Variants in DDX19A observed in about 807,000 individuals in gnomAD.
DDX19A encodes ATP-dependent RNA helicase DDX19A.
Under a neutral mutation model 60.6 loss-of-function variants are expected in DDX19A, and 12 were observed. The ratio of observed to expected loss-of-function variants is 0.20; its 90% CI spans 0.13 to 0.32. The LOEUF (loss-of-function observed/expected upper bound fraction) is 0.32, where lower values mean the gene tolerates loss of function less well. DDX19A is among the 10% of genes least tolerant of loss of function. DDX19A has a pLI of 1.00. For synonymous variants in DDX19A, 206 were observed against 218.2 expected (o/e 0.94, Z 0.49); for missense variants, 337 against 600.6 (o/e 0.56, Z 4.59).
intron 8 of DDX19A, 127 bp from the exon 9 acceptor site, chr16:70,366,497 C>T (rs138813561): frequency 1.3e-5 from 18 of 1,365,694 alleles, no homozygotes; most frequent in African/African-American, 1.0e-4. Context: ...GCCTGCTGCT[C>T]CTCCTCCCCA....
intron 4 of DDX19A, among the ~76,000 whole-genome samples, chr16:70,361,158 A>C (rs1198275476): frequency 6.6e-6 from 1 of 152,204 alleles, no homozygotes; most frequent in East Asian, 1.9e-4. Context: ...GGGTCTGCTG[A>C]AAGCATTAAT....
chr16:70,360,003 G>A (rs980300893), intron 4 of DDX19A, among the ~76,000 whole-genome samples: 2 of 150,840 alleles, frequency 1.3e-5, no homozygotes, highest in Admixed American at 6.6e-5. Context: ...TTTTATGGCC[G>A]GGCGCTACAG....
At chr16:70,371,318 T>C in intron 10 of DDX19A, 54 bp from the exon 11 acceptor site, 1 of 1,614,178 alleles carries the variant, frequency 6.2e-7, no homozygotes, top group Non-Finnish European at 8.5e-7. Flanking sequence ...TGGATGACAG[T>C]GATTTCTGTC....
chr16:70,357,416 G>A (rs1373779754), intron 4 of DDX19A, among the ~76,000 whole-genome samples: 1 of 85,570 alleles, frequency 1.2e-5, no homozygotes, highest in Non-Finnish European at 2.0e-5. Context: ...ACCAAGTCGT[G>A]CTCTGTTGCA....
At chr16:70,350,071 G>T (rs1014919523) in intron 1 of DDX19A, among the ~76,000 whole-genome samples, 1 of 152,148 alleles carries the variant, frequency 6.6e-6, no homozygotes, top group Non-Finnish European at 1.5e-5. Context: ...CAAGGTGGGA[G>T]GATTGCTTGA....
At chr16:70,370,685 G>C (rs1964656982) in intron 10 of DDX19A, 2 of 285,198 alleles carry the variant, frequency 7.0e-6, no homozygotes, top group Non-Finnish European at 1.3e-5. Flanking sequence ...GACAGAGTGA[G>C]ACTCTGTCTC....
chr16:70,359,194 C>G (rs1396767671), intron 4 of DDX19A, among the ~76,000 whole-genome samples: 1 of 152,166 alleles, frequency 6.6e-6, no homozygotes, highest in Admixed American at 6.6e-5. Context: ...TCTGCAAAAT[C>G]AAAGAAAACT....
chr16:70,365,175 G>T (rs1964482251), intron 7 of DDX19A, 44 bp downstream of exon 7: 3 of 1,393,268 alleles, frequency 2.2e-6, no homozygotes, highest in African/African-American at 1.4e-5. Context: ...AGGGTAGGGG[G>T]TTGGGCGTTT....
At chr16:70,369,326 C>T (rs763840590) in intron 9 of DDX19A, among the ~76,000 whole-genome samples, 2 of 151,776 alleles carry the variant, frequency 1.3e-5, no homozygotes, top group Non-Finnish European at 2.9e-5. Flanking sequence ...ATTACATGCA[C>T]ATGCCACCAC....
chr16:70,356,367 T>C (rs1401468500), intron 4 of DDX19A, 120 bp downstream of exon 4: 5 of 1,486,944 alleles, frequency 3.4e-6, no homozygotes, highest in East Asian at 2.3e-5. Flanking sequence ...TTTTCCTTTT[T>C]TTTTTCGAGA....
At chr16:70,359,607 G>C (rs1266370834) in intron 4 of DDX19A, among the ~76,000 whole-genome samples, 1 of 152,176 alleles carries the variant, frequency 6.6e-6, no homozygotes, top group Non-Finnish European at 1.5e-5. Context: ...TGTAATCCCA[G>C]CAGTTTGGGA....
intron 5 of DDX19A, chr16:70,363,476 A>T (rs1964428740): frequency 6.6e-6 from 1 of 152,130 alleles, no homozygotes; most frequent in African/African-American, 2.4e-5. Context: ...AGCTGGGATT[A>T]CAGGTGCCTG....
In DDX19A at chr16:70,370,405, C is replaced by T; in HGVS notation, c.1183+20C>T. On this transcript the variant is annotated intron_variant, in intron 10 of 11. Transcript: ENST00000302243. Reference sequence around the variant, plus strand: ...CCCGCGGTGAGCAGAGGACGTGTCCCACCTGGTCTGCCAGGCTCGGGGTCC... The same window carrying T: ...CCCGCGGTGAGCAGAGGACGTGTCCTACCTGGTCTGCCAGGCTCGGGGTCC... The T allele has an allele frequency of 6.2e-7, 1 of 1,602,258 alleles. No individual in the cohort carries two copies. Among genetic ancestry groups the T allele is most frequent in the Non-Finnish European group, 8.5e-7 (1 of 1,174,390 alleles).
At chr16:70,359,747 A>T (rs924730977) in intron 4 of DDX19A, among the ~76,000 whole-genome samples, 3 of 151,986 alleles carry the variant, frequency 2.0e-5, no homozygotes, top group Non-Finnish European at 4.4e-5. Flanking sequence ...AGCCCCAGCT[A>T]CTCAAGGGTG....
chr16:70,365,254 G>A, intron 7 of DDX19A, 123 bp downstream of exon 7: 2 of 611,200 alleles, frequency 3.3e-6, no homozygotes. Flanking sequence ...TAACTGTGTT[G>A]CTCTATTTGA....
intron 10 of DDX19A, 37 bp from the exon 11 acceptor site, chr16:70,371,335 C>A (rs377723151): frequency 1.9e-5 from 30 of 1,614,120 alleles, no homozygotes; most frequent in Non-Finnish European, 2.0e-5. Flanking sequence ...TGTCTCCTGT[C>A]CTTAGTCCTC....
chr16:70,355,931 C>T, intron 3 of DDX19A, 181 bp from the exon 4 acceptor site: 1 of 770,552 alleles, frequency 1.3e-6, no homozygotes, highest in South Asian at 1.9e-5. Flanking sequence ...CACTGCACTC[C>T]AGCCTGGGTG....
At chr16:70,360,587 G>T (rs918124074) in intron 4 of DDX19A, among the ~76,000 whole-genome samples, 1 of 151,792 alleles carries the variant, frequency 6.6e-6, no homozygotes, top group Non-Finnish European at 1.5e-5. Flanking sequence ...TCAAGCAGTC[G>T]TCCCACCTAG....
rs540571171 is a variant in DDX19A at position 70,355,042 on chromosome 16, TAAAG to T, written c.107-439_107-436del. 2.6e-4 allele frequency among the ~76,000 whole-genome samples: 39 copies of T among 152,068 alleles called. 2 individuals are homozygous for T. The South Asian group carries it at 7.9e-3, about 31-fold the overall frequency. Reference sequence around the variant, plus strand: ...TCTAGAAATAAAAATTCACTAAACATAAAGAAATGCCAACTATTTATATTTTGAT... The same window carrying T: ...TCTAGAAATAAAAATTCACTAAACATAAATGCCAACTATTTATATTTTGAT... On this transcript the variant is annotated intron_variant, in intron 2 of 11. Coordinates refer to ENST00000302243, the MANE Select transcript of DDX19A (RefSeq NM_018332.5).
Sources: allele counts gnomAD v4.1 joint callset (sites outside exome capture counted in the v4.1 genomes callset), GRCh38; gene constraint gnomAD v4.1.1; transcripts MANE v1.5; gene names NCBI Gene and HGNC (gene_info 2026-07-23, HGNC 2026-07-21).